The following CHL1 variants were observed in gnomAD, a reference collection of about 807,000 sequenced individuals.
CHL1 encodes the protein neural cell adhesion molecule L1-like protein.
Under a neutral mutation model 141.9 loss-of-function variants are expected in CHL1, and 96 were observed. The observed-to-expected ratio is 0.68, with a 90% CI of 0.57 to 0.80. The LOEUF (loss-of-function observed/expected upper bound fraction) is 0.80. CHL1 is among the 30% of genes least tolerant of loss of function. The pLI is 0.00. For missense variants in CHL1, 1,820 were observed against 1,457.2 expected (o/e 1.25, Z -4.05); for synonymous variants, 613 against 502.2 (o/e 1.22, Z -2.95).
At chr3:366,440 C>A (rs1477982238) in intron 15 of CHL1, among the ~76,000 whole-genome samples, 7 of 149,902 alleles carry the variant, frequency 4.7e-5, no homozygotes, top group Non-Finnish European at 1.0e-4. Flanking sequence ...CACTGTACTC[C>A]AGCCTGGGGG....
rs761844924 is a variant in CHL1 at position 405,748 on chromosome 3, A to G, written c.*37A>G. The G allele has an allele frequency of 1.4e-6, 2 of 1,468,800 alleles. No individual in the cohort carries two copies. Among genetic ancestry groups the G allele is most frequent in the Admixed American group, 3.4e-5 (2 of 59,500 alleles). 91.0% of individuals were successfully genotyped at this position (1,468,800 alleles called of 1,614,324 possible). ...GTAAGCAACGCTACTGGTTCACCCCAACCTTCCATATTTATCTGTTCAAAG... is the reference window on the plus strand; with the variant it reads ...GTAAGCAACGCTACTGGTTCACCCCGACCTTCCATATTTATCTGTTCAAAG... On this transcript the variant is annotated 3_prime_UTR_variant, in exon 28 of 28. Transcript: ENST00000256509.
intron 2 of CHL1, among the ~76,000 whole-genome samples, chr3:250,283 T>G (rs1012303059): frequency 2.0e-5 from 3 of 152,068 alleles, no homozygotes; most frequent in Admixed American, 1.3e-4. Context: ...AATTTTTACA[T>G]GCGGAGAGGA....
intron 2 of CHL1, among the ~76,000 whole-genome samples, chr3:270,928 T>G (rs1043747762): frequency 6.6e-6 from 1 of 152,186 alleles, no homozygotes; most frequent in Non-Finnish European, 1.5e-5. Context: ...ACTGCTGGCT[T>G]TTTCAGAACC....
chr3:334,321 G>T (rs1432893198), intron 5 of CHL1, among the ~76,000 whole-genome samples: 3 of 152,138 alleles, frequency 2.0e-5, no homozygotes, highest in Non-Finnish European at 4.4e-5. Context: ...ATTGGCACAT[G>T]ACACTATGCC....
chr3:221,122 C>T (rs562126631), intron 1 of CHL1, among the ~76,000 whole-genome samples: 14 of 152,286 alleles, frequency 9.2e-5, no homozygotes, highest in Admixed American at 9.2e-4. Flanking sequence ...CTCACCTTTC[C>T]AGAATGAACC....
chr3:350,765 G>C (rs1703177846), intron 10 of CHL1, among the ~76,000 whole-genome samples: 1 of 152,134 alleles, frequency 6.6e-6, no homozygotes, highest in African/African-American at 2.4e-5. Context: ...CCGAAGTTGA[G>C]AATTTTATTT....
intron 2 of CHL1, among the ~76,000 whole-genome samples, chr3:253,317 AG>A: frequency 6.6e-6 from 1 of 152,274 alleles, no homozygotes; most frequent in African/African-American, 2.4e-5. Flanking sequence ...AATGCGAGTT[AG>A]GTTGTTTAGA....
chr3:303,357 G>C (rs192961514), intron 2 of CHL1, among the ~76,000 whole-genome samples: 2 of 152,236 alleles, frequency 1.3e-5, no homozygotes, highest in Non-Finnish European at 2.9e-5. Context: ...TCACAATATT[G>C]ATTCTTCCTA....
intron 11 of CHL1, among the ~76,000 whole-genome samples, chr3:357,546 A>G (rs1312093791): frequency 2.0e-5 from 3 of 152,198 alleles, no homozygotes; most frequent in African/African-American, 7.2e-5. Context: ...AACTAAACCC[A>G]GGAAGGATTA....
intron 11 of CHL1, 149 bp downstream of exon 11, chr3:354,920 C>A (rs923966500): frequency 2.6e-5 from 26 of 994,262 alleles, no homozygotes; most frequent in Non-Finnish European, 3.4e-5. Context: ...TATTTCTAAG[C>A]AATTTGGTTG....
intron 2 of CHL1, among the ~76,000 whole-genome samples, chr3:261,014 A>G (rs774810884): frequency 6.6e-6 from 1 of 152,182 alleles, no homozygotes; most frequent in Non-Finnish European, 1.5e-5. Context: ...TTGCAGACAT[A>G]AATGAGATTC....
intron 1 of CHL1, among the ~76,000 whole-genome samples, chr3:243,680 A>G (rs1355651756): frequency 2.0e-5 from 3 of 152,172 alleles, no homozygotes; most frequent in African/African-American, 7.2e-5. Flanking sequence ...AAGATTGTCA[A>G]ATAATACACA....
intron 2 of CHL1, among the ~76,000 whole-genome samples, chr3:313,160 G>A (rs1699890916): frequency 6.6e-6 from 1 of 152,024 alleles, no homozygotes; most frequent in Non-Finnish European, 1.5e-5. Flanking sequence ...TTGTGTAGTT[G>A]CTGCCATAGA....
At chr3:401,093 G>T (rs944964667) in intron 26 of CHL1, among the ~76,000 whole-genome samples, 2 of 151,948 alleles carry the variant, frequency 1.3e-5, no homozygotes, top group Non-Finnish European at 2.9e-5. Flanking sequence ...ATAGAGACAG[G>T]GTCTTGCTTT....
At chr3:379,204 G>C (rs1004708733) in intron 16 of CHL1, among the ~76,000 whole-genome samples, 1 of 151,998 alleles carries the variant, frequency 6.6e-6, no homozygotes, top group Non-Finnish European at 1.5e-5. Flanking sequence ...TAAAAAAATG[G>C]GTCAACAGGC....
chr3:259,650 C>T (rs769282236), intron 2 of CHL1, among the ~76,000 whole-genome samples: 1 of 152,098 alleles, frequency 6.6e-6, no homozygotes, highest in Non-Finnish European at 1.5e-5. Context: ...GCTCTTATTA[C>T]TTCCAAGCAT....
chr3:303,442 G>C (rs931708494), intron 2 of CHL1, among the ~76,000 whole-genome samples: 6 of 152,114 alleles, frequency 3.9e-5, no homozygotes, highest in Admixed American at 1.3e-4. Flanking sequence ...TTCTTGAAGA[G>C]GCCCTTCACA....
intron 16 of CHL1, among the ~76,000 whole-genome samples, chr3:379,566 T>A (rs774408225): frequency 9.2e-5 from 14 of 152,212 alleles, no homozygotes; most frequent in Admixed American, 2.0e-4. Context: ...TTTTGAGCAG[T>A]CTCAGCCACC....
chr3:384,872 G>A (rs1163358301), intron 19 of CHL1, among the ~76,000 whole-genome samples: 1 of 151,958 alleles, frequency 6.6e-6, no homozygotes, highest in Non-Finnish European at 1.5e-5. Flanking sequence ...CTCATATGTT[G>A]GTCTTTGTAC....
Sources: gnomAD v4.1 joint callset for allele counts (sites outside exome capture counted in the v4.1 genomes callset) on GRCh38, gnomAD v4.1.1 for gene constraint, MANE v1.5 for transcripts, NCBI Gene and HGNC (gene_info 2026-07-23, HGNC 2026-07-21) for gene names.